Variants in TPTE2 observed in about 807,000 individuals in gnomAD.
TPTE2 encodes the protein transmembrane phosphoinositide 3-phosphatase and tensin homolog 2.
Under a neutral mutation model 78.6 loss-of-function variants are expected in TPTE2, and 53 were observed. That is an observed-to-expected ratio of 0.67 (90% CI 0.54 to 0.85). TPTE2 has a LOEUF of 0.85. TPTE2 is among the 40% of genes least tolerant of loss of function. The pLI is 0.00. For synonymous variants in TPTE2, 175 were observed against 206.2 expected, an observed-to-expected ratio of 0.85 and a Z score of 1.30; for missense variants, 461 against 623.0, an observed-to-expected ratio of 0.74 and a Z score of 2.77.
At chr13:19,504,641 C>G (rs1868870669), upstream of TPTE2, among the ~76,000 whole-genome samples, 2 of 152,064 alleles carry the variant, frequency 1.3e-5, no homozygotes, top group African/African-American at 4.8e-5. Flanking sequence ...CTAAGGGTGA[C>G]AAGACAATAA....
At chr13:19,536,702 T>C (rs1426639118) in exon 1 of TPTE2, 1 of 152,162 alleles carries the variant, frequency 6.6e-6, no homozygotes, top group Admixed American at 6.5e-5. Flanking sequence ...TAAACCACAA[T>C]TTATTATCAG....
intron 10 of TPTE2, among the ~76,000 whole-genome samples, chr13:19,458,163 AAGGAGTAAAC>A (rs1333478478): frequency 6.6e-6 from 1 of 152,224 alleles, no homozygotes; most frequent in Non-Finnish European, 1.5e-5. Context: ...ATATCTTTAG[AAGGAGTAAAC>A]AGTGATAGCA....
intron 1 of TPTE2, among the ~76,000 whole-genome samples, chr13:19,528,551 T>C (rs1870665604): frequency 6.6e-6 from 1 of 152,198 alleles, no homozygotes; most frequent in Non-Finnish European, 1.5e-5. Context: ...CATGAACACA[T>C]CCTTATAACA....
intron 1 of TPTE2, among the ~76,000 whole-genome samples, chr13:19,522,619 C>CTTT (rs57248346): frequency 1.2e-3 from 146 of 121,632 alleles, no homozygotes; most frequent in Non-Finnish European, 1.5e-3. Context: ...CTTTTTTTTT[C>CTTT]TTTTTTTTTT....
the TPTE2 span, among the ~76,000 whole-genome samples, chr13:19,546,483 CTTTTTTT>C: frequency 0.02 from 1,723 of 85,044 alleles, 31 homozygotes; most frequent in African/African-American, 0.075. Context: ...TTTTCTTTTT[CTTTTTTT>C]TTTTTTTTTT....
At chr13:19,492,170 T>C (rs1275167595) in intron 3 of TPTE2, among the ~76,000 whole-genome samples, 1 of 152,070 alleles carries the variant, frequency 6.6e-6, no homozygotes, top group Non-Finnish European at 1.5e-5. Flanking sequence ...CCCTCCACCA[T>C]CTCCTTCCTT....
chr13:19,551,542 T>C, the TPTE2 span, among the ~76,000 whole-genome samples: 1 of 152,048 alleles, frequency 6.6e-6, no homozygotes, highest in African/African-American at 2.4e-5. Flanking sequence ...GCCGAGATCA[T>C]GCCACTGCAC....
Position 19,499,886 on chromosome 13 carries a change from A to C in TPTE2, c.11+3338T>G, listed in dbSNP as rs530849723. 4.8e-3 allele frequency among the ~76,000 whole-genome samples: 721 copies of C among 150,436 alleles called. 4 individuals are homozygous for C. Among genetic ancestry groups the C allele is most frequent in the Non-Finnish European group, 7.7e-3 (525 of 67,842 alleles). On this transcript the variant is annotated intron_variant, in intron 1 of 19. Coordinates refer to ENST00000400230, the Ensembl canonical transcript of TPTE2. ...GCTGGATTTTTGAAAGGATCAACAA[A>C]ATTGATAGACCACTAGCAAGACTAA... is the stretch of plus-strand genomic sequence containing the variant.
intron 1 of TPTE2, among the ~76,000 whole-genome samples, chr13:19,497,150 CG>C (rs1566065354): frequency 1.3e-5 from 2 of 151,882 alleles, no homozygotes. Flanking sequence ...GAGGGTCCTA[CG>C]CCCACGGAGT....
intron 13 of TPTE2, chr13:19,438,555 C>T (rs1254632247): frequency 1.3e-5 from 5 of 374,250 alleles, no homozygotes; most frequent in Non-Finnish European, 1.8e-5. Flanking sequence ...CATTTTTACA[C>T]CAGTCTCACA....
intron 1 of TPTE2, among the ~76,000 whole-genome samples, chr13:19,529,220 T>C (rs1401859665): frequency 6.6e-6 from 1 of 152,208 alleles, no homozygotes; most frequent in Non-Finnish European, 1.5e-5. Context: ...CAATGAGTTC[T>C]AGATGACAAG....
chr13:19,457,587 T>C (rs111717027), intron 10 of TPTE2, among the ~76,000 whole-genome samples: 7 of 151,190 alleles, frequency 4.6e-5, no homozygotes, highest in Admixed American at 1.3e-4. Flanking sequence ...TGTGTTCTCA[T>C]TGTCAGCTCC....
chr13:19,519,676 T>A (rs1313885344), intron 1 of TPTE2, among the ~76,000 whole-genome samples: 4 of 152,212 alleles, frequency 2.6e-5, no homozygotes, highest in Admixed American at 2.0e-4. Flanking sequence ...TTTTAACCAC[T>A]ATAGCTTTAT....
At chr13:19,555,377 G>A in the TPTE2 span, among the ~76,000 whole-genome samples, 5 of 152,022 alleles carry the variant, frequency 3.3e-5, no homozygotes. Context: ...TCATTCAATC[G>A]GTCAATTAAA....
chr13:19,477,448 A>C (rs1880039208), intron 4 of TPTE2, among the ~76,000 whole-genome samples: 1 of 152,188 alleles, frequency 6.6e-6, no homozygotes, highest in African/African-American at 2.4e-5. Context: ...AATCCGTCTA[A>C]TCTTCCCCTC....
At chr13:19,425,711 C>A (rs1875989685) in intron 18 of TPTE2, 2 of 515,492 alleles carry the variant, frequency 3.9e-6, no homozygotes, top group Non-Finnish European at 7.7e-6. Context: ...CCTTACATCC[C>A]AATAAAGGCT....
At chr13:19,537,546 A>G (rs1262600857), upstream of TPTE2, among the ~76,000 whole-genome samples, 2 of 86,320 alleles carry the variant, frequency 2.3e-5, no homozygotes, top group African/African-American at 3.6e-5. Context: ...CTTCTATTTG[A>G]TTTTTAGAAG....
At chr13:19,537,160 T>C (rs891406863), upstream of TPTE2, among the ~76,000 whole-genome samples, 22 of 152,004 alleles carry the variant, frequency 1.4e-4, no homozygotes, top group Non-Finnish European at 1.8e-4. Flanking sequence ...TAGCCACTTA[T>C]ATTTTTTCTT....
rs531930032 is a variant in TPTE2, at chr13:19,521,979, C to A, written c.-44+14617G>T. Among the ~76,000 whole-genome samples the A allele has an allele frequency of 1.8e-4, 28 of 152,150 alleles. No homozygotes were observed. The South Asian group carries it at 5.8e-3, about 32-fold the overall frequency. ...TCTTTCCTTTCAGTCTAAATGACTCCCATTAGTATTTCTTATAGAGATGTC... is the reference window on the plus strand; with the variant it reads ...TCTTTCCTTTCAGTCTAAATGACTCACATTAGTATTTCTTATAGAGATGTC... On this transcript the variant is annotated intron_variant, in intron 1 of 17. Transcript: ENST00000390680.
Sources: allele counts gnomAD v4.1 joint callset (sites outside exome capture counted in the v4.1 genomes callset), GRCh38; gene constraint gnomAD v4.1.1; transcripts MANE v1.5; gene names NCBI Gene and HGNC (gene_info 2026-07-23, HGNC 2026-07-21).